The following GSK3B variants were observed in gnomAD, a reference collection of about 807,000 sequenced individuals.
GSK3B encodes glycogen synthase kinase 3 beta, also known as glycogen synthase kinase-3 beta.
GSK3B carries 15 observed loss-of-function variants against 56.4 expected under a neutral mutation model. The ratio of observed to expected loss-of-function variants is 0.27; its 90% confidence interval spans 0.18 to 0.41. GSK3B has a LOEUF of 0.41. Ranked by LOEUF, GSK3B falls within the 10% of genes least tolerant of loss-of-function variation. GSK3B has a pLI of 1.00. For missense variants in GSK3B, 300 were observed against 513.4 expected (o/e 0.58, Z 4.02); for synonymous variants, 181 against 188.9 (o/e 0.96, Z 0.34).
chr3:119,861,727 C>G (rs1489634604), intron 9 of GSK3B, among the ~76,000 whole-genome samples: 1 of 152,134 alleles, frequency 6.6e-6, no homozygotes, highest in Non-Finnish European at 1.5e-5. Flanking sequence ...CATTTGAACA[C>G]TTTTTAACAA....
Position 119,982,416 on chromosome 3 carries a change from C to T in GSK3B, c.282+19630G>A, listed in dbSNP as rs190843338. Among the ~76,000 whole-genome samples the T allele has an allele frequency of 1.1e-4, 17 of 152,152 alleles. No homozygotes were observed. The East Asian group carries it at 1.4e-3, about 12-fold the overall frequency. On this transcript the variant is annotated intron_variant, in intron 2 of 10. Coordinates refer to ENST00000264235, the MANE Select transcript of GSK3B (RefSeq NM_001146156.2). ...TAAGGTCGGTAATAACAGACTTCTC[C>T]GAGTTAAAGGAGAATGTTCAAACCC...
intron 2 of GSK3B, among the ~76,000 whole-genome samples, chr3:119,999,786 G>C (rs191327957): frequency 8.5e-5 from 13 of 152,302 alleles, no homozygotes; most frequent in Middle Eastern, 3.4e-3. Flanking sequence ...TAGAAGAGCT[G>C]AATAAAAGCA....
chr3:120,044,995 G>A (rs2058091519), intron 1 of GSK3B, among the ~76,000 whole-genome samples: 1 of 152,116 alleles, frequency 6.6e-6, no homozygotes, highest in Non-Finnish European at 1.5e-5. Flanking sequence ...AGAAATCGTG[G>A]CCTCAATTCT....
intron 2 of GSK3B, among the ~76,000 whole-genome samples, chr3:119,962,008 TAATG>T (rs1559854708): frequency 6.6e-6 from 1 of 152,196 alleles, no homozygotes; most frequent in Non-Finnish European, 1.5e-5. Context: ...ATTTTTGACT[TAATG>T]ACATTTTTAA....
intron 6 of GSK3B, among the ~76,000 whole-genome samples, chr3:119,910,784 T>G (rs1352864034): frequency 6.6e-6 from 1 of 152,236 alleles, no homozygotes; most frequent in African/African-American, 2.4e-5. Context: ...ACTACAATTA[T>G]GTAATATTCT....
At chr3:119,900,274 T>C (rs980630815) in intron 7 of GSK3B, among the ~76,000 whole-genome samples, 4 of 152,116 alleles carry the variant, frequency 2.6e-5, no homozygotes, top group Admixed American at 6.6e-5. Flanking sequence ...TCAAGAGGTG[T>C]AGCATTGACT....
chr3:120,071,608 C>G (rs1451600922), intron 1 of GSK3B, among the ~76,000 whole-genome samples: 1 of 152,202 alleles, frequency 6.6e-6, no homozygotes, highest in African/African-American at 2.4e-5. Context: ...GCCTGATAAT[C>G]TATCACTGTC....
rs560222221 is a variant in GSK3B at position 120,074,071 on chromosome 3, G to A, written c.88+19276C>T. Among the ~76,000 whole-genome samples the A allele has an allele frequency of 6.6e-5, 10 of 152,240 alleles. No individual in the cohort carries two copies. In the South Asian group the frequency reaches 1.0e-3, roughly 16 times the overall value. On this transcript the variant is annotated intron_variant, in intron 1 of 10. Coordinates refer to ENST00000264235, the MANE Select transcript of GSK3B (RefSeq NM_001146156.2). Reference sequence around the variant, plus strand: ...TGTAATCCCAGCACTATGGGAGGCCGAGGTGGATAGATCACTTGAGTCTAG... The same window carrying A: ...TGTAATCCCAGCACTATGGGAGGCCAAGGTGGATAGATCACTTGAGTCTAG...
At chr3:120,068,186 T>A (rs2058295655) in intron 1 of GSK3B, among the ~76,000 whole-genome samples, 1 of 150,166 alleles carries the variant, frequency 6.7e-6, no homozygotes, top group South Asian at 2.1e-4. Flanking sequence ...AGGTCAGGTG[T>A]TCGAGACCAG....
chr3:119,975,672 C>CTTA (rs770485179), intron 2 of GSK3B, among the ~76,000 whole-genome samples: 14 of 152,132 alleles, frequency 9.2e-5, no homozygotes, highest in Non-Finnish European at 1.9e-4. Context: ...GTATGATACT[C>CTTA]TAATAGTAGA....
At chr3:120,021,156 AGCT>A (rs1435661275) in intron 1 of GSK3B, among the ~76,000 whole-genome samples, 1 of 152,158 alleles carries the variant, frequency 6.6e-6, no homozygotes, top group Non-Finnish European at 1.5e-5. Flanking sequence ...CAGAAGATTT[AGCT>A]AAGACCACTG....
chr3:119,964,528 C>T (rs538292427), intron 2 of GSK3B, among the ~76,000 whole-genome samples: 1 of 152,166 alleles, frequency 6.6e-6, no homozygotes, highest in East Asian at 1.9e-4. Flanking sequence ...AGGAGAAATA[C>T]TGCATTATTT....
chr3:120,057,808 G>A (rs552515278), intron 1 of GSK3B, among the ~76,000 whole-genome samples: 4 of 152,006 alleles, frequency 2.6e-5, no homozygotes, highest in East Asian at 1.9e-4. Flanking sequence ...TTGCAAAACC[G>A]GAATAAGTAA....
chr3:119,938,139 C>T (rs1576214350), intron 3 of GSK3B, among the ~76,000 whole-genome samples: 1 of 151,970 alleles, frequency 6.6e-6, no homozygotes, highest in Non-Finnish European at 1.5e-5. Context: ...AAAAAAACCT[C>T]CCAACAAAGT....
At chr3:119,932,578 A>G (rs2056957042) in intron 3 of GSK3B, among the ~76,000 whole-genome samples, 1 of 151,988 alleles carries the variant, frequency 6.6e-6, no homozygotes, top group Non-Finnish European at 1.5e-5. Context: ...CTTGGAAGAC[A>G]AAAGAGCTAA....
At chr3:119,886,264 G>A (rs1335552552) in intron 7 of GSK3B, among the ~76,000 whole-genome samples, 1 of 151,912 alleles carries the variant, frequency 6.6e-6, no homozygotes, top group African/African-American at 2.4e-5. Context: ...AAGAAGAGAT[G>A]TAAGTGGCCA....
chr3:120,055,179 G>GA (rs1166471699), intron 1 of GSK3B, among the ~76,000 whole-genome samples: 9 of 150,784 alleles, frequency 6.0e-5, no homozygotes, highest in Middle Eastern at 3.2e-3. Context: ...TGCAAAGTTA[G>GA]AAAAAAAAAT....
chr3:120,012,480 C>T (rs1251948137), intron 1 of GSK3B, among the ~76,000 whole-genome samples: 1 of 152,222 alleles, frequency 6.6e-6, no homozygotes, highest in African/African-American at 2.4e-5. Context: ...AGTTCAGCTT[C>T]AGGCCCTCTC....
chr3:119,931,987 T>C (rs998667884), intron 3 of GSK3B, among the ~76,000 whole-genome samples: 1 of 152,208 alleles, frequency 6.6e-6, no homozygotes, highest in Non-Finnish European at 1.5e-5. Flanking sequence ...GTAAGAAATT[T>C]AAGTGATAAA....
Sources: gnomAD v4.1 joint callset for allele counts (sites outside exome capture counted in the v4.1 genomes callset) on GRCh38, gnomAD v4.1.1 for gene constraint, MANE v1.5 for transcripts, NCBI Gene and HGNC (gene_info 2026-07-23, HGNC 2026-07-21) for gene names.